The following PCDH15 variants were observed in gnomAD, a reference collection of about 807,000 sequenced individuals.
The protein encoded by PCDH15 is protocadherin-15.
Under a neutral mutation model 178.5 loss-of-function variants are expected in PCDH15, and 129 were observed. The ratio of observed to expected loss-of-function variants is 0.72; its 90% CI spans 0.63 to 0.84. The LOEUF (loss-of-function observed/expected upper bound fraction) is 0.84. PCDH15 is among the 40% of genes least tolerant of loss of function. The pLI, the probability that PCDH15 is intolerant of heterozygous loss-of-function variation, is 0.00. For missense variants in PCDH15, 2,230 were observed against 2,099.9 expected (o/e 1.06, Z -1.21); for synonymous variants, 800 against 732.0 (o/e 1.09, Z -1.50).
At chr10:54,669,277 T>G (rs567025724) in intron 1 of PCDH15, among the ~76,000 whole-genome samples, 2 of 151,852 alleles carry the variant, frequency 1.3e-5, no homozygotes, top group African/African-American at 4.8e-5. Context: ...AAAATAAAAT[T>G]TCAGAGAGCC....
intron 3 of PCDH15, among the ~76,000 whole-genome samples, chr10:54,501,989 C>CTT (rs2080739064): frequency 3.3e-5 from 5 of 151,830 alleles, no homozygotes; most frequent in Non-Finnish European, 7.4e-5. Context: ...AATATGTTAG[C>CTT]TGTTCTTTTT....
At chr10:55,340,375 G>C (rs542172129) in intron 2 of PCDH15, among the ~76,000 whole-genome samples, 40 of 151,950 alleles carry the variant, frequency 2.6e-4, no homozygotes, top group African/African-American at 9.6e-4. Context: ...GATTGTTGCA[G>C]CATCTCCTAC....
intron 2 of PCDH15, among the ~76,000 whole-genome samples, chr10:55,130,829 C>T (rs1838022989): frequency 6.6e-6 from 1 of 151,066 alleles, no homozygotes; most frequent in Non-Finnish European, 1.5e-5. Context: ...GCATAGTTCA[C>T]ATTAATCAAA....
intron 2 of PCDH15, among the ~76,000 whole-genome samples, chr10:55,370,583 T>G (rs1166186366): frequency 5.9e-5 from 9 of 152,172 alleles, no homozygotes; most frequent in African/African-American, 2.2e-4. Context: ...CTATTCAGAA[T>G]CGCTTCTGAA....
At chr10:53,994,055 A>G (rs2091692850) in intron 21 of PCDH15, among the ~76,000 whole-genome samples, 1 of 152,256 alleles carries the variant, frequency 6.6e-6, no homozygotes, top group Non-Finnish European at 1.5e-5. Flanking sequence ...TTCAAAGTGT[A>G]AAAACAGAGC....
chr10:55,534,855 C>T (rs1490839899), intron 2 of PCDH15, among the ~76,000 whole-genome samples: 2 of 152,056 alleles, frequency 1.3e-5, no homozygotes, highest in Non-Finnish European at 1.5e-5. Context: ...AAATGTGTTA[C>T]ATATGCACCA....
At chr10:54,866,830 C>G (rs948495468) in intron 3 of PCDH15, among the ~76,000 whole-genome samples, 2 of 152,104 alleles carry the variant, frequency 1.3e-5, no homozygotes, top group Non-Finnish European at 2.9e-5. Context: ...TAACAGATAT[C>G]TACTTACTGT....
intron 1 of PCDH15, among the ~76,000 whole-genome samples, chr10:54,772,441 T>A (rs2133280946): frequency 6.6e-6 from 1 of 152,322 alleles, no homozygotes; most frequent in Admixed American, 6.5e-5. Context: ...CTTAAAATTT[T>A]GTCTTATCTT....
In PCDH15 at chr10:55,194,788, G is replaced by A. The variant is rs1840038640; in HGVS notation, c.-155-28137C>T. Among the ~76,000 whole-genome samples, 3 of 151,478 alleles carry A rather than the reference G, an allele frequency of 2.0e-5. No homozygotes were observed. In the South Asian group the frequency reaches 6.3e-4, roughly 32 times the overall value. On this transcript the variant is annotated intron_variant, in intron 1 of 5. Transcript: ENST00000458638. Reference sequence around the variant, plus strand: ...CGAACGTGATGAGCGACTATATATAGTATGAATGAGAAGCACTACTGTAAT... The same window carrying A: ...CGAACGTGATGAGCGACTATATATAATATGAATGAGAAGCACTACTGTAAT...
intron 2 of PCDH15, among the ~76,000 whole-genome samples, chr10:54,949,340 C>A (rs1838275402): frequency 6.6e-6 from 1 of 151,870 alleles, no homozygotes; most frequent in African/African-American, 2.4e-5. Flanking sequence ...ACAAGAGGAA[C>A]TACCAAACAC....
chr10:54,813,562 A>C (rs1952900800), intron 3 of PCDH15, among the ~76,000 whole-genome samples: 1 of 152,016 alleles, frequency 6.6e-6, no homozygotes, highest in Non-Finnish European at 1.5e-5. Context: ...ATATTCTCTT[A>C]TCTCTTTTCC....
At chr10:55,280,764 C>A (rs1842713795) in intron 1 of PCDH15, among the ~76,000 whole-genome samples, 1 of 152,100 alleles carries the variant, frequency 6.6e-6, no homozygotes, top group African/African-American at 2.4e-5. Flanking sequence ...TTTTATCTCT[C>A]TCTAGTTAAA....
chr10:55,520,174 C>A (rs1321761919), intron 2 of PCDH15, among the ~76,000 whole-genome samples: 1 of 67,458 alleles, frequency 1.5e-5, no homozygotes, highest in African/African-American at 6.2e-5. Flanking sequence ...TATATATATA[C>A]ACGCAATGTG....
intron 2 of PCDH15, among the ~76,000 whole-genome samples, chr10:55,046,552 G>T (rs907483308): frequency 2.0e-5 from 3 of 151,896 alleles, no homozygotes; most frequent in Admixed American, 6.6e-5. Flanking sequence ...AAAAGGCAGA[G>T]AATAATTTAC....
chr10:54,445,805 A>T (rs1346089049), intron 3 of PCDH15, among the ~76,000 whole-genome samples: 1 of 151,352 alleles, frequency 6.6e-6, no homozygotes, highest in African/African-American at 2.4e-5. Context: ...ATTTTATTTG[A>T]CTTTATTTGT....
chr10:55,245,388 C>A (rs1041025806), intron 1 of PCDH15, among the ~76,000 whole-genome samples: 1 of 151,962 alleles, frequency 6.6e-6, no homozygotes, highest in African/African-American at 2.4e-5. Context: ...AACACCCCCC[C>A]AAAACATCTT....
chr10:54,871,412 A>G (rs1320009327), intron 3 of PCDH15, among the ~76,000 whole-genome samples: 2 of 141,202 alleles, frequency 1.4e-5, no homozygotes, highest in South Asian at 2.4e-4. Context: ...GGTCTAGTAC[A>G]GACGAAGTCT....
At chr10:53,893,391 G>T (rs989387946) in intron 26 of PCDH15, among the ~76,000 whole-genome samples, 1 of 152,142 alleles carries the variant, frequency 6.6e-6, no homozygotes, top group Non-Finnish European at 1.5e-5. Context: ...AATTTGAAAT[G>T]ATCATTCATG....
At chr10:54,547,259 A>T (rs11004375) in intron 2 of PCDH15, among the ~76,000 whole-genome samples, 2,700 of 152,280 alleles carry the variant, frequency 0.018, 35 homozygotes, top group South Asian at 0.036. Context: ...AAAATGCTTT[A>T]TATACATAGC....
Sources: allele counts gnomAD v4.1 joint callset (sites outside exome capture counted in the v4.1 genomes callset), GRCh38; gene constraint gnomAD v4.1.1; transcripts MANE v1.5; gene names NCBI Gene and HGNC (gene_info 2026-07-23, HGNC 2026-07-21).